Variants in IMMP2L observed in about 807,000 individuals in gnomAD.
IMMP2L encodes the protein inner mitochondrial membrane peptidase subunit 2, also known as mitochondrial inner membrane protease subunit 2.
Under a neutral mutation model 19.3 loss-of-function variants are expected in IMMP2L, and 18 were observed. That is an observed-to-expected ratio of 0.93 (90% confidence interval 0.64 to 1.38). The LOEUF (loss-of-function observed/expected upper bound fraction) is 1.38. Ranked by LOEUF, IMMP2L falls within the 40% of genes most tolerant of loss-of-function variation. IMMP2L has a pLI of 0.00. For missense variants in IMMP2L, 233 were observed against 218.2 expected (o/e 1.07, Z -0.43); for synonymous variants, 76 against 73.0 (o/e 1.04, Z -0.21).
chr7:111,243,532 A>G (rs1419452046), intron 3 of IMMP2L, among the ~76,000 whole-genome samples: 22 of 116,460 alleles, frequency 1.9e-4, no homozygotes, highest in Non-Finnish European at 4.0e-4. Context: ...TTTTTTTATT[A>G]TACTCTAAGT....
At chr7:111,090,780 T>G (rs1796777393) in intron 3 of IMMP2L, among the ~76,000 whole-genome samples, 1 of 152,142 alleles carries the variant, frequency 6.6e-6, no homozygotes, top group Admixed American at 6.6e-5. Context: ...CTACCAGGTG[T>G]TTTTAATATT....
intron 3 of IMMP2L, among the ~76,000 whole-genome samples, chr7:111,205,457 A>G (rs1444396713): frequency 1.3e-5 from 2 of 152,164 alleles, no homozygotes; most frequent in Admixed American, 1.3e-4. Flanking sequence ...ATTGTCACAG[A>G]GCCAATTTCC....
chr7:111,169,344 T>C (rs1806181672), intron 3 of IMMP2L, among the ~76,000 whole-genome samples: 2 of 151,840 alleles, frequency 1.3e-5, no homozygotes, highest in Non-Finnish European at 2.9e-5. Flanking sequence ...CTTCAGGACG[T>C]TAATCCAAAA....
intron 3 of IMMP2L, among the ~76,000 whole-genome samples, chr7:111,308,530 G>A (rs1823138648): frequency 6.6e-6 from 1 of 151,672 alleles, no homozygotes; most frequent in Non-Finnish European, 1.5e-5. Flanking sequence ...AAAGTTTCTA[G>A]GCAGAAAAAT....
chr7:111,121,505 A>G (rs916336369), intron 3 of IMMP2L, among the ~76,000 whole-genome samples: 34 of 152,194 alleles, frequency 2.2e-4, no homozygotes, highest in African/African-American at 8.2e-4. Context: ...GCCATCAGAG[A>G]AATGCAAATC....
intron 5 of IMMP2L, among the ~76,000 whole-genome samples, chr7:110,734,220 G>A (rs1168394729): frequency 4.6e-5 from 7 of 152,176 alleles, no homozygotes; most frequent in African/African-American, 1.7e-4. Flanking sequence ...TCTTCTTAGA[G>A]ATTATCTAAG....
At chr7:111,197,418 A>G (rs925854512) in intron 3 of IMMP2L, among the ~76,000 whole-genome samples, 6 of 152,150 alleles carry the variant, frequency 3.9e-5, no homozygotes, top group African/African-American at 9.7e-5. Context: ...AGCTGAGATC[A>G]CGCCACGGTG....
chr7:110,948,954 C>G (rs529972950), intron 4 of IMMP2L, among the ~76,000 whole-genome samples: 85 of 152,284 alleles, frequency 5.6e-4, no homozygotes, highest in South Asian at 2.7e-3. Context: ...CAACAGAACT[C>G]CAGGCTCTTT....
intron 5 of IMMP2L, among the ~76,000 whole-genome samples, chr7:110,805,104 C>T (rs1801533740): frequency 6.6e-6 from 1 of 151,920 alleles, no homozygotes; most frequent in Admixed American, 6.6e-5. Context: ...GAACAAAGTA[C>T]GAAGAAGTCA....
intron 3 of IMMP2L, among the ~76,000 whole-genome samples, chr7:111,157,494 T>G (rs972830406): frequency 2.6e-5 from 4 of 152,124 alleles, no homozygotes; most frequent in Non-Finnish European, 5.9e-5. Context: ...AAACTTCACA[T>G]GTTCTTACTT....
At chr7:111,529,646 G>C (rs564780730) in intron 1 of IMMP2L, among the ~76,000 whole-genome samples, 5 of 152,184 alleles carry the variant, frequency 3.3e-5, no homozygotes, top group African/African-American at 1.2e-4. Context: ...ATTATGTAAG[G>C]CATAAAGTTA....
intron 3 of IMMP2L, among the ~76,000 whole-genome samples, chr7:111,079,848 T>C (rs1795742751): frequency 6.6e-6 from 1 of 152,090 alleles, no homozygotes; most frequent in Non-Finnish European, 1.5e-5. Flanking sequence ...ATAAAGTCAT[T>C]AGAGCTGAGC....
intron 3 of IMMP2L, among the ~76,000 whole-genome samples, chr7:111,110,206 C>A (rs1199505627): frequency 1.3e-5 from 2 of 152,146 alleles, no homozygotes; most frequent in Non-Finnish European, 2.9e-5. Context: ...AAGATCCTAT[C>A]TGTTCATGGA....
rs954268702 is a variant in IMMP2L, at chr7:110,963,708, G to A, written c.240-143C>T. On this transcript the variant is annotated intron_variant, in intron 3 of 5. Transcript: ENST00000405709. Reference sequence around the variant, plus strand: ...CATGACATGACATCAGTCTCACTTCGGTTCCAAGTGACATGAAGTGACTAC... The same window carrying A: ...CATGACATGACATCAGTCTCACTTCAGTTCCAAGTGACATGAAGTGACTAC... 18 of 427,274 alleles carry A rather than the reference G, an allele frequency of 4.2e-5. 1 individual carries two copies. The Admixed American group carries it at 5.6e-4, about 13-fold the overall frequency. The allele number at this position is 427,274 out of a possible 1,614,324, so 26.5% of individuals were successfully genotyped here. A position where few individuals can be genotyped will look rare whatever the true frequency, so the allele number is the denominator to read the frequency against.
rs1796012897 is a variant in IMMP2L, at chr7:110,728,002, T to C, written c.409-64281A>G. The stretch of plus-strand genomic sequence containing the variant: ...ATTGTAAAAGGCAGCACAGGAAGCT[T>C]GAGTCTGGCTTTGGAGCCAGTTTAC... On this transcript the variant is annotated intron_variant, in intron 5 of 5. Transcript: ENST00000405709. This position sits in a 1 kb window ranked among gnomAD's most constrained non-coding sequence, Gnocchi z 4.6. Among the ~76,000 whole-genome samples, 1 of 152,224 alleles carries C rather than the reference T, an allele frequency of 6.6e-6. No homozygotes were observed.
chr7:110,887,989 C>G (rs559918657), intron 4 of IMMP2L, among the ~76,000 whole-genome samples: 1 of 151,918 alleles, frequency 6.6e-6, no homozygotes, highest in Non-Finnish European at 1.5e-5. Context: ...TAAATTGGTG[C>G]TACAGAAACT....
At chr7:110,984,855 A>G (rs1205512894) in intron 3 of IMMP2L, among the ~76,000 whole-genome samples, 2 of 152,234 alleles carry the variant, frequency 1.3e-5, no homozygotes, top group Admixed American at 1.3e-4. Flanking sequence ...GAACCTGTAA[A>G]TACGTGAGCT....
At chr7:110,896,812 CTT>C (rs879723395) in intron 4 of IMMP2L, among the ~76,000 whole-genome samples, 1 of 144,018 alleles carries the variant, frequency 6.9e-6, no homozygotes. Flanking sequence ...GTGCATTCTG[CTT>C]TTTTTTTTTA....
Position 110,727,807 on chromosome 7 carries a change from C to T in IMMP2L, c.409-64086G>A, listed in dbSNP as rs547220097. Among the ~76,000 whole-genome samples, 1 of 152,298 alleles carries T rather than the reference C, an allele frequency of 6.6e-6. No individual in the cohort carries two copies. The highest frequency in any genetic ancestry group is 1.5e-5 in the Non-Finnish European group (1 of 68,016). On this transcript the variant is annotated intron_variant, in intron 5 of 5. Transcript: ENST00000405709. The surrounding 1 kb of genome is among the most constrained non-coding windows in gnomAD (Gnocchi z 4.3). ...TCATGGGACTTACCTGAACTTATAT[C>T]AAGGCGTAAGAAAAGAATTGCTTCA...
Sources: gnomAD v4.1 joint callset for allele counts (sites outside exome capture counted in the v4.1 genomes callset) on GRCh38, gnomAD v4.1.1 for gene constraint, Gnocchi (gnomAD v3.1) non-coding constraint, MANE v1.5 for transcripts, NCBI Gene and HGNC (gene_info 2026-07-23, HGNC 2026-07-21) for gene names.